The following GPC5 variants were observed in gnomAD, a reference collection of about 807,000 sequenced individuals.
GPC5 encodes glypican-5.
In GPC5, 47 loss-of-function variants were observed where a neutral mutation model predicts 53.9. That is an observed-to-expected ratio of 0.87 (90% CI 0.69 to 1.11). The LOEUF (loss-of-function observed/expected upper bound fraction) is 1.11. Among genes scored for constraint, GPC5 ranks in the 50% most tolerant of loss-of-function variants. The pLI, the probability that GPC5 is intolerant of heterozygous loss-of-function variation, is 0.00. For missense variants in GPC5, 748 were observed against 713.1 expected (o/e 1.05, Z -0.56); for synonymous variants, 286 against 263.3 (o/e 1.09, Z -0.84).
intron 2 of GPC5, among the ~76,000 whole-genome samples, chr13:91,682,077 G>A (rs776736808): frequency 1.3e-5 from 2 of 152,066 alleles, no homozygotes; most frequent in African/African-American, 2.4e-5. Context: ...AAATACTCAG[G>A]GTTCAAATCC....
intron 6 of GPC5, among the ~76,000 whole-genome samples, chr13:92,076,664 T>C (rs2041254712): frequency 6.6e-6 from 1 of 151,868 alleles, no homozygotes; most frequent in Non-Finnish European, 1.5e-5. Context: ...TTTTTTACCC[T>C]ATATAGCATG....
intron 5 of GPC5, among the ~76,000 whole-genome samples, chr13:91,821,022 T>A (rs1482271607): frequency 1.3e-5 from 2 of 152,110 alleles, no homozygotes; most frequent in African/African-American, 2.4e-5. Flanking sequence ...GATAAATTTT[T>A]AAATTATGTT....
chr13:91,497,577 A>G (rs1468975078), intron 2 of GPC5, among the ~76,000 whole-genome samples: 1 of 152,202 alleles, frequency 6.6e-6, no homozygotes, highest in Non-Finnish European at 1.5e-5. Flanking sequence ...TGCACAAATT[A>G]GTCTATAGAA....
At chr13:92,239,545 T>C (rs2042594565) in intron 7 of GPC5, among the ~76,000 whole-genome samples, 1 of 152,022 alleles carries the variant, frequency 6.6e-6, no homozygotes, top group Non-Finnish European at 1.5e-5. Context: ...ATTATTATTT[T>C]CTAAGAAATA....
At chr13:91,969,081 G>T (rs796816951) in intron 6 of GPC5, among the ~76,000 whole-genome samples, 2 of 151,660 alleles carry the variant, frequency 1.3e-5, no homozygotes, top group Non-Finnish European at 2.9e-5. Flanking sequence ...CGATTCTCCT[G>T]CCTCAGCCTC....
intron 7 of GPC5, among the ~76,000 whole-genome samples, chr13:92,553,130 T>C (rs1882374209): frequency 6.6e-6 from 1 of 151,968 alleles, no homozygotes; most frequent in African/African-American, 2.4e-5. Context: ...TTTTTATTTC[T>C]GCTATTTGTT....
chr13:91,636,426 A>AGT (rs1407685565), intron 2 of GPC5, among the ~76,000 whole-genome samples: 1 of 151,644 alleles, frequency 6.6e-6, no homozygotes. Flanking sequence ...ACGTGTGTGC[A>AGT]GTGTGTGTGT....
intron 7 of GPC5, 108 bp downstream of exon 7, chr13:92,145,097 AGGAATT>A: frequency 9.8e-7 from 1 of 1,020,644 alleles, no homozygotes; most frequent in Non-Finnish European, 1.3e-6. Flanking sequence ...AACAAGCAAG[AGGAATT>A]GGAAATGGAA....
chr13:92,296,169 G>A (rs567163858), intron 7 of GPC5, among the ~76,000 whole-genome samples: 2 of 152,302 alleles, frequency 1.3e-5, no homozygotes, highest in Middle Eastern at 3.4e-3. Flanking sequence ...GGTGGCAGAG[G>A]TAGAGGGGAG....
chr13:92,542,811 T>G (rs1004436731), intron 7 of GPC5, among the ~76,000 whole-genome samples: 1 of 152,086 alleles, frequency 6.6e-6, no homozygotes, highest in African/African-American at 2.4e-5. Flanking sequence ...TATAATTCCA[T>G]GTTTTCCTGG....
At chr13:91,731,080 A>G (rs2036687007) in intron 4 of GPC5, among the ~76,000 whole-genome samples, 1 of 152,266 alleles carries the variant, frequency 6.6e-6, no homozygotes, top group South Asian at 2.1e-4. Context: ...AGTTTTTGAC[A>G]TCTAACAGTG....
chr13:92,428,852 T>C (rs1173841654), intron 7 of GPC5, among the ~76,000 whole-genome samples: 1 of 152,050 alleles, frequency 6.6e-6, no homozygotes, highest in Non-Finnish European at 1.5e-5. Context: ...AAAATATATA[T>C]AGCTGGAGAA....
At chr13:91,874,632 G>T (rs562137171) in intron 5 of GPC5, among the ~76,000 whole-genome samples, 1 of 152,124 alleles carries the variant, frequency 6.6e-6, no homozygotes, top group Non-Finnish European at 1.5e-5. Context: ...TTTGATAATG[G>T]TGTGTATCTT....
At chr13:91,681,928 A>T in intron 2 of GPC5, among the ~76,000 whole-genome samples, 1 of 152,220 alleles carries the variant, frequency 6.6e-6, no homozygotes, top group Admixed American at 6.5e-5. Flanking sequence ...TTGTTCAATT[A>T]TATAAAGTTT....
At chr13:92,636,288 A>G (rs1885401884) in intron 7 of GPC5, among the ~76,000 whole-genome samples, 1 of 152,180 alleles carries the variant, frequency 6.6e-6, no homozygotes, top group South Asian at 2.1e-4. Flanking sequence ...AGATATAGTG[A>G]AAATTCTCCT....
At chr13:92,265,515 C>G (rs1042374799) in intron 7 of GPC5, among the ~76,000 whole-genome samples, 1 of 152,170 alleles carries the variant, frequency 6.6e-6, no homozygotes, top group East Asian at 1.9e-4. Flanking sequence ...TTTGGAATGG[C>G]CTTTCCTGTC....
chr13:92,319,177 A>G (rs2043199299), intron 7 of GPC5, among the ~76,000 whole-genome samples: 1 of 152,162 alleles, frequency 6.6e-6, no homozygotes, highest in African/African-American at 2.4e-5. Flanking sequence ...ATTAAAGTGG[A>G]AATAATATCT....
At chr13:91,992,621 C>A (rs1476945975) in intron 6 of GPC5, among the ~76,000 whole-genome samples, 1 of 152,048 alleles carries the variant, frequency 6.6e-6, no homozygotes. Flanking sequence ...CCATGCCTGG[C>A]TAATTTTTGT....
intron 2 of GPC5, among the ~76,000 whole-genome samples, chr13:91,464,347 G>A (rs1882108045): frequency 6.6e-6 from 1 of 152,086 alleles, no homozygotes; most frequent in African/African-American, 2.4e-5. Flanking sequence ...TGCACTTATT[G>A]TATTGTCCAA....
Sources: allele counts gnomAD v4.1 joint callset (sites outside exome capture counted in the v4.1 genomes callset), GRCh38; gene constraint gnomAD v4.1.1; transcripts MANE v1.5; gene names NCBI Gene and HGNC (gene_info 2026-07-23, HGNC 2026-07-21).